SAMD12: variants seen among roughly 807,000 people sequenced by gnomAD.
SAMD12 encodes sterile alpha motif domain-containing protein 12.
In SAMD12, 9 loss-of-function variants were observed where a neutral mutation model predicts 15.0. That is an observed-to-expected ratio of 0.60 (90% confidence interval 0.36 to 1.05). The LOEUF (loss-of-function observed/expected upper bound fraction) is 1.05, where lower values mean the gene tolerates loss of function less well. Among genes scored for constraint, SAMD12 ranks in the 50% least tolerant of loss-of-function variants. The pLI is 0.01. For synonymous variants in SAMD12, 86 were observed against 90.1 expected, an observed-to-expected ratio of 0.96 and a Z score of 0.25; for missense variants, 230 against 234.2, an observed-to-expected ratio of 0.98 and a Z score of 0.12.
At chr8:118,547,615 G>C (rs1165309009) in intron 2 of SAMD12, among the ~76,000 whole-genome samples, 2 of 151,834 alleles carry the variant, frequency 1.3e-5, no homozygotes, top group African/African-American at 2.4e-5. Flanking sequence ...ACTGCTGTCT[G>C]CTAAGAGAAC....
chr8:118,158,530 C>T, the SAMD12 span, among the ~76,000 whole-genome samples: 1 of 152,214 alleles, frequency 6.6e-6, no homozygotes, highest in Non-Finnish European at 1.5e-5. Context: ...TGCCCCTTTG[C>T]ACAAACAGCC....
chr8:118,359,930 T>G (rs1464233382), intron 4 of SAMD12, among the ~76,000 whole-genome samples: 1 of 152,204 alleles, frequency 6.6e-6, no homozygotes, highest in African/African-American at 2.4e-5. Context: ...CAATACTTAC[T>G]GGGCTGAAGG....
chr8:118,470,697 CTA>C (rs1037673389), intron 2 of SAMD12, among the ~76,000 whole-genome samples: 1 of 152,156 alleles, frequency 6.6e-6, no homozygotes, highest in Non-Finnish European at 1.5e-5. Context: ...CCATAAAATG[CTA>C]ACACAGTGTC....
At chr8:118,512,077 T>G (rs566581113) in intron 2 of SAMD12, among the ~76,000 whole-genome samples, 120 of 152,078 alleles carry the variant, frequency 7.9e-4, no homozygotes, top group Non-Finnish European at 1.5e-3. Flanking sequence ...CTGCATCCAC[T>G]CCTCCTCATT....
At chr8:118,343,954 T>C (rs1244912472) in intron 4 of SAMD12, among the ~76,000 whole-genome samples, 1 of 152,212 alleles carries the variant, frequency 6.6e-6, no homozygotes, top group Admixed American at 6.5e-5. Context: ...TTGGCAGGGA[T>C]GTTGTAAAGA....
In SAMD12 at chr8:118,551,529, G is replaced by T. The variant is rs183473210; in HGVS notation, c.192+29186C>A. Among the ~76,000 whole-genome samples the T allele has an allele frequency of 6.8e-3, 1,034 of 152,218 alleles. 12 individuals are homozygous for T. The highest frequency in any genetic ancestry group is 0.023 in the African/African-American group (939 of 41,526). ...ATCTCTGGGACACATTCAAAGCAGTGTGTAGAGGGAAATTTATAGCAGTAA... is the reference window on the plus strand; with the variant it reads ...ATCTCTGGGACACATTCAAAGCAGTTTGTAGAGGGAAATTTATAGCAGTAA... On this transcript the variant is annotated intron_variant, in intron 2 of 3. Transcript: ENST00000314727.
intron 1 of SAMD12, among the ~76,000 whole-genome samples, chr8:118,618,133 G>A (rs546256938): frequency 6.6e-6 from 1 of 151,834 alleles, no homozygotes; most frequent in African/African-American, 2.4e-5. Context: ...ATACCTGTAA[G>A]CTGCCCATAA....
intron 3 of SAMD12, among the ~76,000 whole-genome samples, chr8:118,427,180 A>T (rs1822257985): frequency 6.6e-6 from 1 of 152,230 alleles, no homozygotes; most frequent in African/African-American, 2.4e-5. Flanking sequence ...TATCATGGAT[A>T]AATATAAAAC....
intron 2 of SAMD12, among the ~76,000 whole-genome samples, chr8:118,570,601 G>A (rs1014064509): frequency 4.6e-5 from 7 of 152,130 alleles, no homozygotes; most frequent in Non-Finnish European, 8.8e-5. Context: ...TCTTTATCCA[G>A]TCTACCATTG....
chr8:118,333,918 C>T (rs1816926901), intron 4 of SAMD12, among the ~76,000 whole-genome samples: 1 of 70,976 alleles, frequency 1.4e-5, no homozygotes, highest in African/African-American at 8.1e-5. Flanking sequence ...TGCACGTTGG[C>T]AGGGGGTATG....
In SAMD12 at chr8:118,526,842, C is replaced by T. The variant is rs189464400; in HGVS notation, c.192+53873G>A. Among the ~76,000 whole-genome samples, 410 of 152,270 alleles carry T rather than the reference C, an allele frequency of 2.7e-3. 1 individual carries two copies. Among genetic ancestry groups the T allele is most frequent in the African/African-American group, 9.3e-3 (385 of 41,550 alleles). The stretch of plus-strand genomic sequence containing the variant: ...GAGACATGGAACAGAAAAAGGAAGA[C>T]GTATGCTGATCTGCAGGGCTAAAAG... On this transcript the variant is annotated intron_variant, in intron 2 of 3. Transcript: ENST00000314727.
intron 1 of SAMD12, among the ~76,000 whole-genome samples, chr8:118,585,759 T>A (rs942430121): frequency 5.3e-5 from 8 of 152,232 alleles, no homozygotes; most frequent in African/African-American, 1.9e-4. Context: ...TTGCTGGAAA[T>A]GAGCCTGGGC....
chr8:118,556,385 G>T (rs913142299), intron 2 of SAMD12, among the ~76,000 whole-genome samples: 1 of 152,058 alleles, frequency 6.6e-6, no homozygotes, highest in African/African-American at 2.4e-5. Flanking sequence ...CATTCTTCAT[G>T]ACTCATGAGA....
intron 3 of SAMD12, among the ~76,000 whole-genome samples, chr8:118,408,993 G>A (rs4534153): frequency 2.6e-5 from 4 of 151,874 alleles, no homozygotes; most frequent in Non-Finnish European, 5.9e-5. Context: ...CCACCTCCCG[G>A]GTTCAAGCAA....
At chr8:118,484,663 T>C (rs933311595) in intron 2 of SAMD12, among the ~76,000 whole-genome samples, 11 of 152,090 alleles carry the variant, frequency 7.2e-5, no homozygotes, top group African/African-American at 2.7e-4. Flanking sequence ...ACCAAATCAG[T>C]TGAGATTCCC....
the SAMD12 span, among the ~76,000 whole-genome samples, chr8:118,160,085 T>C: frequency 1.1e-4 from 17 of 152,246 alleles, no homozygotes; most frequent in Non-Finnish European, 2.1e-4. Context: ...AATTTAAATA[T>C]ATTCCAGAAC....
intron 3 of SAMD12, among the ~76,000 whole-genome samples, chr8:118,421,215 G>C (rs1821981719): frequency 6.6e-6 from 1 of 152,124 alleles, no homozygotes; most frequent in South Asian, 2.1e-4. Context: ...ATACATAAAT[G>C]GTGCTAAACA....
At chr8:118,187,252 C>T (rs564004328), downstream of SAMD12, among the ~76,000 whole-genome samples, 96 of 152,234 alleles carry the variant, frequency 6.3e-4, no homozygotes, top group African/African-American at 2.3e-3. Flanking sequence ...TTTCTTAAAG[C>T]TTGTTTTTAG....
chr8:118,174,854 A>G, the SAMD12 span, among the ~76,000 whole-genome samples: 3 of 152,046 alleles, frequency 2.0e-5, no homozygotes, highest in African/African-American at 7.2e-5. Flanking sequence ...GCATGTCTTT[A>G]TGTACTTCTT....
Sources: allele counts gnomAD v4.1 joint callset (sites outside exome capture counted in the v4.1 genomes callset), GRCh38; gene constraint gnomAD v4.1.1; transcripts MANE v1.5; gene names NCBI Gene and HGNC (gene_info 2026-07-23, HGNC 2026-07-21).